EIPR1: variants seen among roughly 807,000 people sequenced by gnomAD.
EIPR1 encodes EARP and GARP complex-interacting protein 1.
Under a neutral mutation model 48.1 loss-of-function variants are expected in EIPR1, and 25 were observed. The observed-to-expected ratio is 0.52, with a 90% CI of 0.38 to 0.73. The LOEUF (loss-of-function observed/expected upper bound fraction) is 0.73. Ranked by LOEUF, EIPR1 falls within the 30% of genes least tolerant of loss-of-function variation. EIPR1 has a pLI of 0.00. For missense variants in EIPR1, 415 were observed against 506.2 expected, an observed-to-expected ratio of 0.82 and a Z score of 1.73; for synonymous variants, 204 against 201.9, an observed-to-expected ratio of 1.01 and a Z score of -0.09.
chr2:3,317,907 C>G (rs1486166192), intron 3 of EIPR1, among the ~76,000 whole-genome samples: 1 of 152,232 alleles, frequency 6.6e-6, no homozygotes, highest in Non-Finnish European at 1.5e-5. Flanking sequence ...GCCTCCAGAC[C>G]CGGGAGGAAA....
chr2:3,210,461 A>G (rs1048303844), intron 5 of EIPR1, among the ~76,000 whole-genome samples: 1 of 152,028 alleles, frequency 6.6e-6, no homozygotes, highest in Non-Finnish European at 1.5e-5. Context: ...AGACATTGGG[A>G]CAAGGAGCTG....
intron 4 of EIPR1, among the ~76,000 whole-genome samples, chr2:3,215,993 A>T (rs1177521924): frequency 6.6e-6 from 1 of 152,224 alleles, no homozygotes; most frequent in Non-Finnish European, 1.5e-5. Flanking sequence ...AGGATGCTGA[A>T]AAACCTGCTC....
At chr2:3,277,949 G>A (rs1335210155) in intron 3 of EIPR1, among the ~76,000 whole-genome samples, 1 of 152,202 alleles carries the variant, frequency 6.6e-6, no homozygotes, top group Admixed American at 6.5e-5. Flanking sequence ...TTCATGGAAT[G>A]AGGGGGCACA....
intron 3 of EIPR1, among the ~76,000 whole-genome samples, chr2:3,314,073 G>A (rs886556558): frequency 1.3e-5 from 2 of 152,190 alleles, no homozygotes; most frequent in Non-Finnish European, 2.9e-5. Flanking sequence ...CAACATCGGC[G>A]GATGCAGAGC....
At chr2:3,249,709 G>A (rs994788789) in intron 4 of EIPR1, among the ~76,000 whole-genome samples, 2 of 152,182 alleles carry the variant, frequency 1.3e-5, no homozygotes, top group Non-Finnish European at 2.9e-5. Flanking sequence ...GAGGGGGAAA[G>A]CCCCTCCCAT....
chr2:3,189,259 A>G lies in EIPR1; in HGVS notation c.*75T>C, dbSNP rs553980008. 7.6e-5 allele frequency: 106 copies of G among 1,401,828 alleles called. No homozygotes were observed. Among genetic ancestry groups the G allele is most frequent in the Middle Eastern group, 7.5e-4 (4 of 5,356 alleles). 86.8% of individuals were successfully genotyped at this position (1,401,828 alleles called of 1,614,324 possible). On this transcript the variant is annotated 3_prime_UTR_variant, in exon 9 of 9. Coordinates refer to ENST00000382125, the MANE Select transcript of EIPR1 (RefSeq NM_003310.5). The surrounding 1 kb of genome is among the most constrained non-coding windows in gnomAD (Gnocchi z 4.6). ...TCCACCTGGAACACGAGTCACCTCCAAAGAGCTGCGACTGTTTGAGAATCT... is the reference window on the plus strand; with the variant it reads ...TCCACCTGGAACACGAGTCACCTCCGAAGAGCTGCGACTGTTTGAGAATCT...
chr2:3,264,756 C>T (rs867641628), intron 3 of EIPR1, among the ~76,000 whole-genome samples: 19 of 152,296 alleles, frequency 1.2e-4, no homozygotes, highest in African/African-American at 4.1e-4. Context: ...GTGACCATCT[C>T]GGCTCACTGC....
chr2:3,337,192 A>G (rs193053263), intron 3 of EIPR1, among the ~76,000 whole-genome samples: 180 of 152,298 alleles, frequency 1.2e-3, no homozygotes, highest in Non-Finnish European at 1.8e-3. Context: ...TGAAAGTGGA[A>G]TATTAGATCG....
intron 1 of EIPR1, among the ~76,000 whole-genome samples, chr2:3,365,787 G>A (rs536020340): frequency 2.6e-5 from 4 of 151,272 alleles, no homozygotes; most frequent in African/African-American, 2.4e-5. Context: ...ATGTTTCAGA[G>A]AGCACAGGGT....
At chr2:3,318,448 T>C (rs953537744) in intron 3 of EIPR1, among the ~76,000 whole-genome samples, 2 of 152,172 alleles carry the variant, frequency 1.3e-5, no homozygotes, top group Non-Finnish European at 2.9e-5. Context: ...TTAATTCCAC[T>C]GCCAGATGAC....
chr2:3,209,969 T>C (rs1558224845), intron 5 of EIPR1, among the ~76,000 whole-genome samples: 1 of 152,036 alleles, frequency 6.6e-6, no homozygotes, highest in South Asian at 2.1e-4. Flanking sequence ...CAGGACACAT[T>C]TGTCCAAACC....
At chr2:3,232,438 T>C (rs1376036476) in intron 4 of EIPR1, among the ~76,000 whole-genome samples, 2 of 152,246 alleles carry the variant, frequency 1.3e-5, no homozygotes, top group South Asian at 2.1e-4. Flanking sequence ...TAGGCATTTA[T>C]TGCTATTAAA....
intron 3 of EIPR1, among the ~76,000 whole-genome samples, chr2:3,311,523 C>T (rs542159810): frequency 1.3e-5 from 2 of 152,302 alleles, no homozygotes; most frequent in East Asian, 3.9e-4. Context: ...GAACATGTGG[C>T]ATTCTCTTAC....
intron 3 of EIPR1, among the ~76,000 whole-genome samples, chr2:3,322,782 T>C (rs1368181370): frequency 6.6e-6 from 1 of 152,284 alleles, no homozygotes; most frequent in Non-Finnish European, 1.5e-5. Flanking sequence ...CAGGTGGCCT[T>C]GAGAAAGTCA....
intron 5 of EIPR1, among the ~76,000 whole-genome samples, chr2:3,213,814 A>G (rs1454922938): frequency 6.6e-6 from 1 of 152,204 alleles, no homozygotes; most frequent in East Asian, 1.9e-4. Flanking sequence ...CAAGAATTAC[A>G]TTCTGAATTT....
chr2:3,192,641 G>C, intron 7 of EIPR1, 60 bp from the exon 8 acceptor site: 10 of 1,566,734 alleles, frequency 6.4e-6, no homozygotes, highest in Non-Finnish European at 7.8e-6. Context: ...ACCAACAATG[G>C]ATCACACCGG....
chr2:3,333,651 G>A (rs916644172), intron 3 of EIPR1, among the ~76,000 whole-genome samples: 3 of 151,930 alleles, frequency 2.0e-5, no homozygotes, highest in African/African-American at 7.3e-5. Context: ...TGAGATGGGA[G>A]GATTGCTTGA....
intron 1 of EIPR1, among the ~76,000 whole-genome samples, chr2:3,375,598 T>G (rs1266690894): frequency 1.3e-5 from 2 of 152,142 alleles, no homozygotes. Context: ...TGTATCCCTA[T>G]GTGTATCTAG....
intron 5 of EIPR1, among the ~76,000 whole-genome samples, chr2:3,202,353 CT>C (rs1665077996): frequency 6.6e-6 from 1 of 152,200 alleles, no homozygotes; most frequent in African/African-American, 2.4e-5. Context: ...ACTATTTCAG[CT>C]TTCTGAAGAC....
Sources: allele counts gnomAD v4.1 joint callset (sites outside exome capture counted in the v4.1 genomes callset), GRCh38; gene constraint gnomAD v4.1.1; non-coding constraint Gnocchi (gnomAD v3.1); transcripts MANE v1.5; gene names NCBI Gene and HGNC (gene_info 2026-07-23, HGNC 2026-07-21).